Variants in ZEB2 observed in about 807,000 individuals in gnomAD.
The protein encoded by ZEB2 is zinc finger E-box-binding homeobox 2.
In ZEB2, 6 loss-of-function variants were observed where a neutral mutation model predicts 99.9. That is an observed-to-expected ratio of 0.06 (90% confidence interval 0.03 to 0.12). ZEB2 has a LOEUF of 0.12. ZEB2 is among the 10% of genes least tolerant of loss of function. ZEB2 has a pLI of 1.00. For missense variants in ZEB2, 969 were observed against 1,502.8 expected (o/e 0.64, Z 5.87); for synonymous variants, 517 against 542.5 (o/e 0.95, Z 0.65).
chr2:144,513,741 G>T (rs1377822623), intron 2 of ZEB2: 13 of 1,536,044 alleles, frequency 8.5e-6, no homozygotes, highest in Non-Finnish European at 1.1e-5. Flanking sequence ...GGGCCGCACC[G>T]GTGGCAAGCA....
At chr2:144,468,890 G>A (rs1296637288) in intron 2 of ZEB2, among the ~76,000 whole-genome samples, 1 of 152,080 alleles carries the variant, frequency 6.6e-6, no homozygotes, top group African/African-American at 2.4e-5. Context: ...CCTGTTCAGG[G>A]AGGGAAACTC....
chr2:144,480,432 T>C (rs1704493943), intron 2 of ZEB2, among the ~76,000 whole-genome samples: 1 of 152,146 alleles, frequency 6.6e-6, no homozygotes, highest in African/African-American at 2.4e-5. Context: ...TTGGAGCCAA[T>C]GAAATTTCAC....
chr2:144,448,147 T>C (rs1704009683), intron 2 of ZEB2, among the ~76,000 whole-genome samples: 1 of 152,226 alleles, frequency 6.6e-6, no homozygotes, highest in African/African-American at 2.4e-5. Context: ...TTCTTTCACA[T>C]GCTAATTTTG....
intron 2 of ZEB2, among the ~76,000 whole-genome samples, chr2:144,467,829 C>T (rs1160558546): frequency 6.6e-6 from 1 of 152,184 alleles, no homozygotes; most frequent in Non-Finnish European, 1.5e-5. Context: ...AGCCAGCTTA[C>T]TCAGTCTTGC....
intron 2 of ZEB2, chr2:144,512,442 T>A (rs1224492878): frequency 7.8e-7 from 1 of 1,287,250 alleles, no homozygotes; most frequent in Non-Finnish European, 1.0e-6. Context: ...ATATTCTTAA[T>A]ATGGCATCAA....
chr2:144,445,265 C>CTTTTTTTTTT (rs11287771), intron 2 of ZEB2, among the ~76,000 whole-genome samples: 1 of 74,192 alleles, frequency 1.3e-5, no homozygotes. Flanking sequence ...CTTTCCTCCT[C>CTTTTTTTTTT]TTTTTTTTTT....
chr2:144,482,900 A>C (rs1481891197), intron 2 of ZEB2, among the ~76,000 whole-genome samples: 1 of 151,808 alleles, frequency 6.6e-6, no homozygotes, highest in Non-Finnish European at 1.5e-5. Context: ...TATTCCTTGC[A>C]CTATGCTTCC....
intron 2 of ZEB2, among the ~76,000 whole-genome samples, chr2:144,459,812 T>C (rs1208230700): frequency 1.3e-5 from 2 of 152,144 alleles, no homozygotes; most frequent in East Asian, 1.9e-4. Context: ...ACCAAAATTA[T>C]ACAGGAAGGG....
At chr2:144,462,506 T>G (rs1704208680) in intron 2 of ZEB2, 1 of 152,184 alleles carries the variant, frequency 6.6e-6, no homozygotes, top group African/African-American at 2.4e-5. Flanking sequence ...CACGGGTACT[T>G]AGAGCTGCGT....
rs1387758642 is a variant in ZEB2 at position 144,385,144 on chromosome 2, G to A, written c.*4307C>T. 3 of 152,138 alleles carry A rather than the reference G, an allele frequency of 2.0e-5. No homozygotes were observed. The highest frequency in any genetic ancestry group is 2.1e-4 in the South Asian group (1 of 4,826). The allele number at this position is 152,138 out of a possible 1,614,324, so 9.4% of individuals were successfully genotyped here. On this transcript the variant is annotated 3_prime_UTR_variant, in exon 10 of 10. Transcript: ENST00000627532. ...AATTTATAGGAGTGCTTATATAAGC[G>A]ATAATAATTGGACCAGTGTCCCTTG...
chr2:144,455,485 G>A (rs1704110257), intron 2 of ZEB2, among the ~76,000 whole-genome samples: 1 of 152,144 alleles, frequency 6.6e-6, no homozygotes, highest in African/African-American at 2.4e-5. Flanking sequence ...ACTGATATTT[G>A]CCTTCTGATA....
chr2:144,512,829 C>G, intron 2 of ZEB2: 1 of 1,287,222 alleles, frequency 7.8e-7, no homozygotes, highest in Admixed American at 2.3e-5. Flanking sequence ...TGCAGAAGAT[C>G]TCCACAGAGA....
intron 2 of ZEB2, among the ~76,000 whole-genome samples, chr2:144,498,705 C>G (rs1001657183): frequency 3.3e-5 from 5 of 152,186 alleles, no homozygotes; most frequent in African/African-American, 1.2e-4. Context: ...ACCAGCTGAG[C>G]TGTCACCTCT....
At chr2:144,456,068 A>G (rs973283446) in intron 2 of ZEB2, among the ~76,000 whole-genome samples, 7 of 152,132 alleles carry the variant, frequency 4.6e-5, no homozygotes, top group African/African-American at 1.7e-4. Flanking sequence ...AGCATTTAAG[A>G]AGGCTGCCTC....
At chr2:144,430,506 A>G (rs1703756177) in intron 2 of ZEB2, 1 of 194,104 alleles carries the variant, frequency 5.2e-6, no homozygotes, top group Admixed American at 5.6e-5. Context: ...ACGTCCATCT[A>G]TTTACCCAAA....
At chr2:144,435,324 T>C (rs1008936944) in intron 2 of ZEB2, among the ~76,000 whole-genome samples, 1 of 152,064 alleles carries the variant, frequency 6.6e-6, no homozygotes, top group African/African-American at 2.4e-5. Context: ...ATAAGTCCTT[T>C]TGGCCAGGTA....
intron 2 of ZEB2, among the ~76,000 whole-genome samples, chr2:144,452,802 AAGAG>A (rs777240938): frequency 1.3e-5 from 2 of 152,176 alleles, no homozygotes; most frequent in African/African-American, 2.4e-5. Context: ...CTTAAAGAGA[AAGAG>A]AGAGAGGAGG....
intron 2 of ZEB2, among the ~76,000 whole-genome samples, chr2:144,479,682 T>TGGGGGGGGGGGGGGGG (rs140945730): frequency 3.4e-5 from 1 of 29,850 alleles, no homozygotes; most frequent in Non-Finnish European, 8.0e-5. Flanking sequence ...CTACTTTTTT[T>TGGGGGGGGGGGGGGGG]TGGGGGGGGG....
chr2:144,387,958 A>G lies in ZEB2; in HGVS notation c.*1493T>C, dbSNP rs1435995901. On this transcript the variant is annotated 3_prime_UTR_variant, in exon 10 of 10. Coordinates refer to ENST00000627532, the MANE Select transcript of ZEB2 (RefSeq NM_014795.4). Reference sequence around the variant, plus strand: ...TTATTATAAGCATAAAGCATGTTACATGTTAATGGTCATTGAAGGAAAACT... The same window carrying G: ...TTATTATAAGCATAAAGCATGTTACGTGTTAATGGTCATTGAAGGAAAACT... 6.6e-6 allele frequency: 1 copy of G among 152,644 alleles called. No homozygotes were observed. The highest frequency in any genetic ancestry group is 2.4e-5 in the African/African-American group (1 of 41,468). 9.5% of individuals were successfully genotyped at this position (152,644 alleles called of 1,614,324 possible). A position where few individuals can be genotyped will look rare whatever the true frequency, so the allele number is the denominator to read the frequency against.
Sources: allele counts gnomAD v4.1 joint callset (sites outside exome capture counted in the v4.1 genomes callset), GRCh38; gene constraint gnomAD v4.1.1; transcripts MANE v1.5; gene names NCBI Gene and HGNC (gene_info 2026-07-23, HGNC 2026-07-21).